AZIN2: variants seen among roughly 807,000 people sequenced by gnomAD.
The protein encoded by AZIN2 is ODC antizyme inhibitor-2.
A neutral mutation model predicts 47.8 loss-of-function variants in AZIN2; 28 were observed. The observed-to-expected ratio is 0.59, with a 90% CI of 0.43 to 0.80. The LOEUF is 0.80. AZIN2 is among the 30% of genes least tolerant of loss of function. The probability of loss-of-function intolerance (pLI) is 0.00; values close to 1 mark genes in which losing one functional copy is unlikely to be tolerated. For synonymous variants in AZIN2, 221 were observed against 239.4 expected, an observed-to-expected ratio of 0.92 and a Z score of 0.71; for missense variants, 535 against 582.5, an observed-to-expected ratio of 0.92 and a Z score of 0.84.
chr1:33,093,547 T>C (rs1323920616), intron 7 of AZIN2, 131 bp downstream of exon 7: 2 of 1,228,612 alleles, frequency 1.6e-6, no homozygotes, highest in Non-Finnish European at 2.2e-6. Context: ...AATTCTTCCA[T>C]TTGAGAATTT....
the AZIN2 span, among the ~76,000 whole-genome samples, chr1:33,132,814 C>T: frequency 6.6e-6 from 1 of 152,212 alleles, no homozygotes; most frequent in East Asian, 1.9e-4. Flanking sequence ...CATAGTCAGA[C>T]TAGATGTCCT....
Position 33,087,540 on chromosome 1 carries a change from G to T in AZIN2, c.279+3413G>T, listed in dbSNP as rs193105063. On this transcript the variant is annotated intron_variant, in intron 5 of 11. Coordinates refer to ENST00000294517, the MANE Select transcript of AZIN2 (RefSeq NM_052998.4). ...CAACCTCTGCCTCCCAGGTTCAAGC[G>T]ATTCTCCTGCCTCAGCCTCCTGAGC... 8.4e-3 allele frequency among the ~76,000 whole-genome samples: 1,282 copies of T among 151,928 alleles called. 13 individuals carry two copies. The highest frequency in any genetic ancestry group is 0.031 in the South Asian group (149 of 4,818).
intron 10 of AZIN2, among the ~76,000 whole-genome samples, chr1:33,102,927 T>TA (rs1021418331): frequency 4.6e-5 from 7 of 152,318 alleles, no homozygotes; most frequent in African/African-American, 1.7e-4. Flanking sequence ...CTGCTGAAGC[T>TA]AAAAAAGTTG....
intron 4 of AZIN2, 94 bp downstream of exon 4, chr1:33,082,448 C>T: frequency 1.2e-6 from 1 of 828,938 alleles, no homozygotes; most frequent in Non-Finnish European, 1.9e-6. Context: ...CTTATCCTTT[C>T]GCTTATTTGG....
At chr1:33,151,131 G>A in the AZIN2 span, among the ~76,000 whole-genome samples, 1 of 152,076 alleles carries the variant, frequency 6.6e-6, no homozygotes, top group African/African-American at 2.4e-5. Flanking sequence ...CTAGGAGGGA[G>A]ACAAGGGGGC....
At chr1:33,144,066 C>G in the AZIN2 span, among the ~76,000 whole-genome samples, 2 of 152,008 alleles carry the variant, frequency 1.3e-5, no homozygotes, top group South Asian at 4.1e-4. Context: ...GATTATGCCT[C>G]TGTAATCTAT....
chr1:33,163,714 G>C, the AZIN2 span: 1 of 152,366 alleles, frequency 6.6e-6, no homozygotes, highest in Non-Finnish European at 1.5e-5. Flanking sequence ...GGAAAACAGA[G>C]GGCCTGAGGA....
chr1:33,088,167 T>G (rs1642139702), intron 5 of AZIN2, among the ~76,000 whole-genome samples: 1 of 152,142 alleles, frequency 6.6e-6, no homozygotes, highest in Non-Finnish European at 1.5e-5. Flanking sequence ...AATCTCCAGC[T>G]CAGACCTATA....
In AZIN2 at chr1:33,120,050, G is replaced by A. The variant is rs757173974; in HGVS notation, c.1251G>A (p.Ala417=). 2.0e-5 allele frequency: 32 copies of A among 1,613,726 alleles called. No homozygotes were observed. Among genetic ancestry groups the A allele is most frequent in the South Asian group, 7.7e-5 (7 of 91,090 alleles). The change falls in exon 12 of 12, where the codon GCG becomes GCA. Residue 417 remains alanine, a synonymous_variant. Coordinates refer to ENST00000294517, the MANE Select transcript of AZIN2 (RefSeq NM_052998.4). The part of the protein sequence containing the change: ...TYAMSRVAWE[A]LRRQLMAAEQ... ...ACCCCTCTCTCACCCCTAGGGAAGCGCTGCGAAGGCAGCTGATGGCTGCAG... is the reference window on the plus strand; with the variant it reads ...ACCCCTCTCTCACCCCTAGGGAAGCACTGCGAAGGCAGCTGATGGCTGCAG...
intron 10 of AZIN2, among the ~76,000 whole-genome samples, chr1:33,114,678 T>G (rs1308159185): frequency 1.1e-5 from 1 of 91,164 alleles, no homozygotes; most frequent in Non-Finnish European, 2.1e-5. Flanking sequence ...TTTTTTGAGA[T>G]GGAGTTTTGC....
chr1:33,163,025 G>T, the AZIN2 span: 23 of 151,854 alleles, frequency 1.5e-4, 1 homozygote, highest in African/African-American at 5.6e-4. Flanking sequence ...CTGTTTTTTT[G>T]GTTTTTGTTT....
At chr1:33,148,046 T>C in the AZIN2 span, among the ~76,000 whole-genome samples, 1 of 152,090 alleles carries the variant, frequency 6.6e-6, no homozygotes, top group Non-Finnish European at 1.5e-5. Flanking sequence ...AGGCCTAGAA[T>C]TGGGGAATTT....
At chr1:33,155,182 C>G in the AZIN2 span, among the ~76,000 whole-genome samples, 1 of 151,222 alleles carries the variant, frequency 6.6e-6, no homozygotes. Flanking sequence ...AGCCATTCTC[C>G]CACCTCAGCC....
the AZIN2 span, chr1:33,145,760 A>G: frequency 2.3e-6 from 1 of 430,154 alleles, no homozygotes. Context: ...GGGCAGGACA[A>G]CCCTAGATGT....
At chr1:33,144,135 CTTTTTTTTTT>C in the AZIN2 span, among the ~76,000 whole-genome samples, 109,796 of 146,738 alleles carry the variant, frequency 0.75, 40,466 homozygotes, top group Admixed American at 0.78. Flanking sequence ...AATGTTACTT[CTTTTTTTTTT>C]TTTTTTTTTT....
At chr1:33,158,424 C>T in the AZIN2 span, 3 of 1,499,764 alleles carry the variant, frequency 2.0e-6, no homozygotes, top group Non-Finnish European at 2.8e-6. Flanking sequence ...TGCCCCAATG[C>T]CAGGGGCCCC....
chr1:33,087,751 A>T (rs1332696780), intron 5 of AZIN2, among the ~76,000 whole-genome samples: 1 of 78,864 alleles, frequency 1.3e-5, no homozygotes, highest in Non-Finnish European at 3.0e-5. Flanking sequence ...TGCATTCTTT[A>T]AAAAAAAAAA....
rs1644383388 is a variant in AZIN2, at chr1:33,113,573, C to G, written c.1030-4329C>G. 6.6e-6 allele frequency among the ~76,000 whole-genome samples: 1 copy of G among 152,132 alleles called. No homozygotes were observed. The highest frequency in any genetic ancestry group is 1.5e-5 in the Non-Finnish European group (1 of 68,034). On this transcript the variant is annotated intron_variant, in intron 10 of 11. Transcript: ENST00000294517. The surrounding 1 kb of genome is among the most constrained non-coding windows in gnomAD (Gnocchi z 4.1). Reference sequence around the variant, plus strand: ...GATAGCTATTGCTAGCATTTCTCATCATATATAAAATGGGAATGATGACAG... The same window carrying G: ...GATAGCTATTGCTAGCATTTCTCATGATATATAAAATGGGAATGATGACAG...
chr1:33,159,959 C>A, the AZIN2 span: 1 of 1,595,356 alleles, frequency 6.3e-7, no homozygotes, highest in Non-Finnish European at 8.5e-7. The surrounding 1 kb of genome is among the most constrained non-coding windows in gnomAD (Gnocchi z 4.2). Context: ...GGGGGACAGT[C>A]GTCAGGGGTT....
Sources: gnomAD v4.1 joint callset for allele counts (sites outside exome capture counted in the v4.1 genomes callset) on GRCh38, gnomAD v4.1.1 for gene constraint, Gnocchi (gnomAD v3.1) non-coding constraint, MANE v1.5 for transcripts, NCBI Gene and HGNC (gene_info 2026-07-23, HGNC 2026-07-21) for gene names.